Variants in CDC25C observed in about 807,000 individuals in gnomAD.
The protein encoded by CDC25C is cell division cycle 25C.
CDC25C carries 48 observed loss-of-function variants against 52.5 expected under a neutral mutation model. The ratio of observed to expected loss-of-function variants is 0.91; its 90% CI spans 0.72 to 1.16. CDC25C has a LOEUF of 1.16. Among genes scored for constraint, CDC25C ranks in the 50% most tolerant of loss-of-function variants. The pLI is 0.00. For missense variants in CDC25C, 510 were observed against 566.1 expected (o/e 0.90, Z 1.01); for synonymous variants, 187 against 206.5 (o/e 0.91, Z 0.81).
intron 7 of CDC25C, among the ~76,000 whole-genome samples, chr5:138,307,407 G>A (rs1159914975): frequency 1.4e-5 from 2 of 143,718 alleles, no homozygotes; most frequent in East Asian, 2.1e-4. Flanking sequence ...TGGAAGAATC[G>A]CCTGAGCCCA....
rs762580255 is a variant in CDC25C at position 138,319,290 on chromosome 5, G to A, written c.544C>T (p.Leu182=). ...TVPKLDKNPN[L]GEDQAEEISD... is the part of the protein sequence containing the mutation. Reference sequence around the variant, plus strand: ...ATCTCTTCTGCCTGGTCTTCTCCTAGGTTTGGATTTTTATCCAATTTTGGA... The same window carrying A: ...ATCTCTTCTGCCTGGTCTTCTCCTAAGTTTGGATTTTTATCCAATTTTGGA... The change falls in exon 7 of 14, where the codon CTA becomes TTA. Residue 182 remains leucine, a synonymous_variant. Transcript: ENST00000323760. 4 of 1,612,960 alleles carry A rather than the reference G, an allele frequency of 2.5e-6. No individual in the cohort carries two copies. The South Asian group carries it at 3.3e-5, about 13-fold the overall frequency.
At chr5:138,293,215 A>C (rs770666230) in intron 7 of CDC25C, among the ~76,000 whole-genome samples, 9 of 152,136 alleles carry the variant, frequency 5.9e-5, no homozygotes, top group Non-Finnish European at 1.2e-4. Context: ...CCTACCCCCC[A>C]GACACTGATG....
chr5:138,317,612 T>C (rs1342085887), intron 7 of CDC25C, among the ~76,000 whole-genome samples: 2 of 148,016 alleles, frequency 1.4e-5, no homozygotes, highest in African/African-American at 2.5e-5. Context: ...CCTGGGGAGA[T>C]TGAGGCTGCA....
chr5:138,328,331 C>G (rs1435423713), intron 4 of CDC25C, among the ~76,000 whole-genome samples, 153 bp downstream of exon 4: 1 of 152,126 alleles, frequency 6.6e-6, no homozygotes, highest in Admixed American at 6.5e-5. Flanking sequence ...ATGTGGAAAA[C>G]TTAGAAACTG....
chr5:138,331,933 G>A, upstream of CDC25C: 1 of 979,530 alleles, frequency 1.0e-6, no homozygotes, highest in Non-Finnish European at 1.2e-6. Context: ...CGTTGGGCTC[G>A]CAGATCACCT....
chr5:138,331,936 G>A (rs901013341), upstream of CDC25C: 1 of 977,402 alleles, frequency 1.0e-6, no homozygotes, highest in Non-Finnish European at 1.2e-6. Context: ...TGGGCTCGCA[G>A]ATCACCTGGG....
At chr5:138,329,709 G>A in intron 2 of CDC25C, 62 bp from the exon 3 acceptor site, 1 of 673,734 alleles carries the variant, frequency 1.5e-6, no homozygotes, top group Non-Finnish European at 2.6e-6. Context: ...AAAAGTCAAA[G>A]ATCATGTCAT....
At chr5:138,301,444 T>C (rs1757618380) in intron 7 of CDC25C, among the ~76,000 whole-genome samples, 1 of 152,128 alleles carries the variant, frequency 6.6e-6, no homozygotes, top group African/African-American at 2.4e-5. Context: ...GTAAGTTGAA[T>C]TTGTTAAAAA....
At chr5:138,290,257 T>C (rs1297711067) in intron 9 of CDC25C, among the ~76,000 whole-genome samples, 1 of 152,128 alleles carries the variant, frequency 6.6e-6, no homozygotes, top group African/African-American at 2.4e-5. Flanking sequence ...ATGTACCTTC[T>C]GCAATTACAC....
intron 7 of CDC25C, among the ~76,000 whole-genome samples, chr5:138,311,346 C>T (rs1007950195): frequency 1.3e-5 from 2 of 152,148 alleles, no homozygotes; most frequent in African/African-American, 2.4e-5. Flanking sequence ...GTAATCGCAG[C>T]ACCTTGGGAG....
chr5:138,286,617 A>G lies in CDC25C; in HGVS notation c.1040T>C (p.Leu347Ser). The G allele has an allele frequency of 1.9e-6, 3 of 1,612,892 alleles. No individual in the cohort carries two copies. The highest frequency in any genetic ancestry group is 1.7e-6 in the Non-Finnish European group (2 of 1,179,280). Reference protein sequence around the residue: ...LGGHIQGALNLYSQEELFNFF... With the variant: ...LGGHIQGALNSYSQEELFNFF... Reference sequence around the variant, plus strand: ...GTTAAACAGTTCTTCCTGACTATATAAGTTTAAGGCTCCCTGTAGAAGAAG... The same window carrying G: ...GTTAAACAGTTCTTCCTGACTATATGAGTTTAAGGCTCCCTGTAGAAGAAG... The change falls in exon 12 of 14, where the codon TTA becomes TCA. Residue 347 changes from leucine (L) to serine (S), a missense_variant. Physicochemically the swap from Leu to Ser is moderately radical, Grantham distance 145. Transcript: ENST00000323760.
intron 8 of CDC25C, 152 bp from the exon 9 acceptor site, chr5:138,290,892 C>CTA: frequency 1.8e-6 from 1 of 557,808 alleles, no homozygotes; most frequent in South Asian, 2.2e-5. Context: ...GAGGCCAAGG[C>CTA]TATAGTGAGC....
At chr5:138,326,983 G>A (rs1041739938) in intron 4 of CDC25C, among the ~76,000 whole-genome samples, 7 of 147,712 alleles carry the variant, frequency 4.7e-5, no homozygotes, top group Admixed American at 1.4e-4. Flanking sequence ...AAGGCTGGGC[G>A]CGGGGGCTCA....
chr5:138,322,226 C>G (rs1289013948), intron 6 of CDC25C, among the ~76,000 whole-genome samples: 1 of 151,674 alleles, frequency 6.6e-6, no homozygotes. Context: ...TGGTCTCGAT[C>G]TCCTGACCTT....
At chr5:138,299,023 T>A (rs2126698550) in intron 7 of CDC25C, among the ~76,000 whole-genome samples, 1 of 148,764 alleles carries the variant, frequency 6.7e-6, no homozygotes, top group African/African-American at 2.5e-5. Context: ...TGAAACCCCA[T>A]CTCTACTAAA....
chr5:138,337,829 G>A (rs559836449), intron 1 of CDC25C: 7 of 523,730 alleles, frequency 1.3e-5, no homozygotes, highest in East Asian at 7.4e-5. Context: ...AGAGGTGGTC[G>A]TGGAGGGCGG....
intron 7 of CDC25C, among the ~76,000 whole-genome samples, chr5:138,300,587 TAGAC>T (rs1346472390): frequency 2.0e-5 from 3 of 151,988 alleles, no homozygotes; most frequent in Non-Finnish European, 2.9e-5. Flanking sequence ...GATAGATTAA[TAGAC>T]AGAAAACTAA....
At chr5:138,296,484 C>T (rs1417942089) in intron 7 of CDC25C, among the ~76,000 whole-genome samples, 1 of 152,120 alleles carries the variant, frequency 6.6e-6, no homozygotes, top group Non-Finnish European at 1.5e-5. Context: ...GATCTCAGCT[C>T]ACTGCAACCT....
chr5:138,329,310 T>C (rs767659156), intron 3 of CDC25C, among the ~76,000 whole-genome samples: 21 of 152,210 alleles, frequency 1.4e-4, no homozygotes, highest in Admixed American at 2.0e-4. Context: ...CATTAATCAG[T>C]CAACAAAATA....
Sources: gnomAD v4.1 joint callset for allele counts (sites outside exome capture counted in the v4.1 genomes callset) on GRCh38, gnomAD v4.1.1 for gene constraint, MANE v1.5 for transcripts, NCBI Gene and HGNC (gene_info 2026-07-23, HGNC 2026-07-21) for gene names.